SUDS3: variants seen among roughly 807,000 people sequenced by gnomAD.
SUDS3 encodes the protein sin3 histone deacetylase corepressor complex component SDS3.
In SUDS3, 23 loss-of-function variants were observed where a neutral mutation model predicts 53.5. The observed-to-expected ratio is 0.43, with a 90% CI of 0.31 to 0.61. The LOEUF (loss-of-function observed/expected upper bound fraction) is 0.61. SUDS3 is among the 20% of genes least tolerant of loss of function. The pLI, the probability that SUDS3 is intolerant of heterozygous loss-of-function variation, is 0.10. For synonymous variants in SUDS3, 150 were observed against 148.5 expected (o/e 1.01, Z -0.08); for missense variants, 291 against 405.9 (o/e 0.72, Z 2.43).
intron 6 of SUDS3, 92 bp from the exon 7 acceptor site, chr12:118,400,567 G>T: frequency 8.4e-7 from 1 of 1,185,388 alleles, no homozygotes; most frequent in Non-Finnish European, 1.3e-6. Context: ...TTCTGATTGG[G>T]TGGCTGGGGG....
chr12:118,402,045 C>T, intron 9 of SUDS3, 41 bp downstream of exon 9: 3 of 1,611,970 alleles, frequency 1.9e-6, no homozygotes, highest in Non-Finnish European at 2.5e-6. Flanking sequence ...ACCTTTTTAT[C>T]ATGTTGTTGG....
At chr12:118,407,941 A>G (rs1365162406) in intron 10 of SUDS3, among the ~76,000 whole-genome samples, 7 of 147,930 alleles carry the variant, frequency 4.7e-5, no homozygotes, top group African/African-American at 1.0e-4. Flanking sequence ...TCGCACTGTC[A>G]CCCAGGCTGG....
At chr12:118,402,545 C>CT (rs552434552) in intron 9 of SUDS3, 85 of 153,736 alleles carry the variant, frequency 5.5e-4, no homozygotes, top group Non-Finnish European at 9.7e-4. Context: ...TTGGTGACAT[C>CT]TTTTTTTTGT....
intron 1 of SUDS3, among the ~76,000 whole-genome samples, chr12:118,378,382 T>A (rs1321914039): frequency 6.6e-6 from 1 of 152,240 alleles, no homozygotes; most frequent in Non-Finnish European, 1.5e-5. Flanking sequence ...AAATTGGATC[T>A]GTACTGAACA....
chr12:118,399,965 G>C (rs1291401532), intron 6 of SUDS3, among the ~76,000 whole-genome samples: 2 of 152,140 alleles, frequency 1.3e-5, no homozygotes, highest in African/African-American at 4.8e-5. Flanking sequence ...TCAGGGAGCA[G>C]ACAAGCGAAC....
At chr12:118,392,321 A>G (rs974120553) in intron 6 of SUDS3, among the ~76,000 whole-genome samples, 3 of 152,104 alleles carry the variant, frequency 2.0e-5, no homozygotes, top group Admixed American at 6.5e-5. Flanking sequence ...GTTCCCCTCT[A>G]TATATTCCTG....
At position 118,406,095 on chromosome 12, in the gene SUDS3, A is replaced by G. The variant is rs143790018; in HGVS notation, c.803+2578A>G. ...CTTTTAAGGCATTCTATATCATGCT[A>G]TGTAAATTTGCCTCACATTTTGATT... On this transcript the variant is annotated intron_variant, in intron 10 of 11. Coordinates refer to ENST00000543473, the MANE Select transcript of SUDS3 (RefSeq NM_022491.3). Among the ~76,000 whole-genome samples the G allele has an allele frequency of 6.6e-5, 10 of 152,330 alleles. No individual in the cohort carries two copies. The East Asian group carries it at 1.9e-3, about 29-fold the overall frequency.
intron 1 of SUDS3, among the ~76,000 whole-genome samples, chr12:118,377,514 C>T (rs1209702418): frequency 1.3e-5 from 2 of 151,494 alleles, no homozygotes; most frequent in East Asian, 1.9e-4. Flanking sequence ...ATGTTCTCCC[C>T]ACCCGCCCCC....
In SUDS3 at chr12:118,401,787, A is replaced by G; in HGVS notation, c.642A>G (p.Glu214=). The G allele has an allele frequency of 6.2e-7, 1 of 1,613,888 alleles. No homozygotes were observed. The highest frequency in any genetic ancestry group is 8.5e-7 in the Non-Finnish European group (1 of 1,179,788). The change falls in exon 8 of 12, where the codon GAA becomes GAG. Residue 214 remains glutamate (E), a synonymous_variant. Coordinates refer to ENST00000543473, the MANE Select transcript of SUDS3 (RefSeq NM_022491.3). ...AGCTAAACTATTTGTTAACAGATGA[A>G]CAGATCATGGAGGATCTGAGAACAT... is the stretch of plus-strand genomic sequence containing the variant. ...PAQLNYLLTD[E]QIMEDLRTLN...
At position 118,397,637 on chromosome 12, in the gene SUDS3, G is replaced by C. The variant is rs538751072; in HGVS notation, c.518-3022G>C. 1.2e-4 allele frequency among the ~76,000 whole-genome samples: 18 copies of C among 152,192 alleles called. No individual in the cohort carries two copies. In the East Asian group the frequency reaches 3.3e-3, roughly 28 times the overall value. ...ATGGAGACATGCTGATAAGTTTTAGGGGCTTCTCCAGAGTCTCTTCCTTCT... is the reference window on the plus strand; with the variant it reads ...ATGGAGACATGCTGATAAGTTTTAGCGGCTTCTCCAGAGTCTCTTCCTTCT... On this transcript the variant is annotated intron_variant, in intron 6 of 11. Coordinates refer to ENST00000543473, the MANE Select transcript of SUDS3 (RefSeq NM_022491.3).
At chr12:118,404,876 G>A (rs975236195) in intron 10 of SUDS3, among the ~76,000 whole-genome samples, 2 of 152,118 alleles carry the variant, frequency 1.3e-5, no homozygotes, top group African/African-American at 4.8e-5. Context: ...TTGGTTACCC[G>A]ATAACATTGT....
At chr12:118,402,910 G>A (rs1342883954) in intron 9 of SUDS3, among the ~76,000 whole-genome samples, 1 of 152,010 alleles carries the variant, frequency 6.6e-6, no homozygotes, top group African/African-American at 2.4e-5. Flanking sequence ...ACAGGCATGT[G>A]CCACCACACC....
intron 6 of SUDS3, among the ~76,000 whole-genome samples, chr12:118,398,239 G>A (rs1422194366): frequency 6.6e-6 from 1 of 152,174 alleles, no homozygotes. Context: ...CACTGTGGGG[G>A]AGGCATTATT....
At chr12:118,386,292 A>G in intron 4 of SUDS3, 107 bp downstream of exon 4, 1 of 883,184 alleles carries the variant, frequency 1.1e-6, no homozygotes, top group Non-Finnish European at 1.8e-6. Flanking sequence ...TATCCCAGAT[A>G]CTCTGTCAGG....
In SUDS3 at chr12:118,408,691, G is replaced by T. The variant is rs202205351; in HGVS notation, c.804-2382G>T. ...AACATAGTTGACATAGTTTTTTTTG[G>T]TTTTTTTTTTTTTACCTACCAGTAT... On this transcript the variant is annotated intron_variant, in intron 10 of 11. Coordinates refer to ENST00000543473, the MANE Select transcript of SUDS3 (RefSeq NM_022491.3). Among the ~76,000 whole-genome samples the T allele has an allele frequency of 8.1e-3, 1,165 of 143,100 alleles. 12 individuals are homozygous for T. Among genetic ancestry groups the T allele is most frequent in the African/African-American group, 0.026 (1,029 of 39,266 alleles). The allele number at this position is 143,100 out of a possible 152,430, so 93.9% of individuals were successfully genotyped here. A position where few individuals can be genotyped will look rare whatever the true frequency, so the allele number is the denominator to read the frequency against.
chr12:118,411,182 T>G, intron 11 of SUDS3, 25 bp downstream of exon 11: 1 of 1,567,522 alleles, frequency 6.4e-7, no homozygotes, highest in East Asian at 2.3e-5. Context: ...CCCTCACCTT[T>G]AGGGAAGCAA....
chr12:118,390,589 C>T (rs1234936191), intron 5 of SUDS3, among the ~76,000 whole-genome samples: 2 of 152,216 alleles, frequency 1.3e-5, no homozygotes, highest in Non-Finnish European at 2.9e-5. Flanking sequence ...AAGGTACACT[C>T]AAGTGAGGTA....
chr12:118,405,388 A>G (rs536879281), intron 10 of SUDS3, among the ~76,000 whole-genome samples: 4 of 152,346 alleles, frequency 2.6e-5, no homozygotes, highest in African/African-American at 9.6e-5. Flanking sequence ...AAAATGCAGT[A>G]AAATAAAATT....
chr12:118,398,994 C>A (rs1157064895), intron 6 of SUDS3, among the ~76,000 whole-genome samples: 4 of 152,116 alleles, frequency 2.6e-5, no homozygotes, highest in African/African-American at 9.7e-5. Context: ...AACTGACTTT[C>A]AACGGGTATT....
Sources: allele counts gnomAD v4.1 joint callset (sites outside exome capture counted in the v4.1 genomes callset), GRCh38; gene constraint gnomAD v4.1.1; transcripts MANE v1.5; gene names NCBI Gene and HGNC (gene_info 2026-07-23, HGNC 2026-07-21).